Variants in NAV2 observed in about 807,000 individuals in gnomAD.
NAV2 encodes helicase, APC down-regulated 1.
In NAV2, 54 loss-of-function variants were observed where a neutral mutation model predicts 223.2. The observed-to-expected ratio is 0.24, with a 90% CI of 0.19 to 0.30. The LOEUF is 0.30. Ranked by LOEUF, NAV2 falls within the 10% of genes least tolerant of loss-of-function variation. NAV2 has a pLI of 1.00. For synonymous variants in NAV2, 1,279 were observed against 1,239.3 expected (o/e 1.03, Z -0.67); for missense variants, 2,806 against 3,147.5 (o/e 0.89, Z 2.60).
chr11:19,821,893 G>T (rs556467669), intron 1 of NAV2, among the ~76,000 whole-genome samples: 1 of 152,218 alleles, frequency 6.6e-6, no homozygotes, highest in South Asian at 2.1e-4. Context: ...TTTCTGTGTG[G>T]GCCCCTCAGT....
Position 20,095,750 on chromosome 11 carries a change from G to A in NAV2, c.5995G>A (p.Val1999Ile). The change falls in exon 30 of 38, where the codon GTT becomes ATT. Residue 1999 changes from valine (V) to isoleucine (I), a missense_variant. This residue lies in a region of NAV2 where 824 missense variants were observed against 1,069.4 expected (regional missense o/e 0.77). Transcript: ENST00000349880. The stretch of plus-strand genomic sequence containing the variant: ...GAAGTGGGATGTGCTCGATGGGGTG[G>A]TTAGACGGCTGTTCAAAGTAAGTGT... ...KTKWDVLDGVVRRLFKEYIIH... is the reference protein window; with the variant it reads ...KTKWDVLDGVIRRLFKEYIIH... The A allele has an allele frequency of 6.2e-7, 1 of 1,613,844 alleles. No individual in the cohort carries two copies. The highest frequency in any genetic ancestry group is 1.7e-5 in the Admixed American group (1 of 60,002).
At chr11:20,087,128 C>T (rs1383283318) in intron 26 of NAV2, among the ~76,000 whole-genome samples, 1 of 152,114 alleles carries the variant, frequency 6.6e-6, no homozygotes, top group African/African-American at 2.4e-5. Context: ...TGGGAGGAAA[C>T]CTGGGAGCAG....
In NAV2 at chr11:19,859,850, C is replaced by T. The variant is rs1466742609; in HGVS notation, c.439-9075C>T. 9.4e-5 allele frequency among the ~76,000 whole-genome samples: 13 copies of T among 138,530 alleles called. No individual in the cohort carries two copies. The East Asian group carries it at 1.6e-3, about 18-fold the overall frequency. 90.9% of individuals were successfully genotyped at this position (138,530 alleles called of 152,430 possible). ...ACCCCCAACTCCCTCCCGGACGGGG[C>T]GGCTGGCCGGGCGGGGGGCTGACCC... On this transcript the variant is annotated intron_variant, in intron 3 of 37. Transcript: ENST00000349880.
chr11:19,509,914 GA>G (rs1419415565), intron 1 of NAV2, among the ~76,000 whole-genome samples: 1 of 152,144 alleles, frequency 6.6e-6, no homozygotes, highest in Non-Finnish European at 1.5e-5. Flanking sequence ...CACCTTCAAG[GA>G]TGGGTCTGAG....
chr11:19,549,847 G>A (rs913267832), intron 1 of NAV2, among the ~76,000 whole-genome samples: 15 of 152,216 alleles, frequency 9.9e-5, no homozygotes, highest in African/African-American at 3.4e-4. Context: ...TGACAAGAAC[G>A]TTAGTCTGGT....
intron 10 of NAV2, among the ~76,000 whole-genome samples, chr11:19,972,084 G>C (rs569385269): frequency 6.6e-6 from 1 of 152,218 alleles, no homozygotes; most frequent in Non-Finnish European, 1.5e-5. Flanking sequence ...TGCAGAGCTG[G>C]AGGGTAAAAT....
At chr11:19,755,219 T>C (rs2054138836) in intron 1 of NAV2, among the ~76,000 whole-genome samples, 1 of 152,334 alleles carries the variant, frequency 6.6e-6, no homozygotes, top group Admixed American at 6.5e-5. Context: ...CAACAGTCCT[T>C]CTAATATCTT....
Position 20,083,073 on chromosome 11 carries a change from G to C in NAV2, c.5392G>C (p.Asp1798His). ...KSPKSASSHSDIEEMTDSSLP... is the reference protein window; with the variant it reads ...KSPKSASSHSHIEEMTDSSLP... ...CCCAAAATCTGCGTCCTCTCATTCA[G>C]ATATTGAGGAGATGACGGATTCTTC... is the stretch of plus-strand genomic sequence containing the variant. The change falls in exon 26 of 38, where the codon GAT (aspartate) becomes CAT (histidine). Residue 1798 changes from aspartate (D) to histidine (H), a missense_variant. By Grantham distance (81) the Asp-to-His change is moderately conservative. Coordinates refer to ENST00000349880, the MANE Select transcript of NAV2 (RefSeq NM_145117.5). 6.2e-7 allele frequency: 1 copy of C among 1,614,180 alleles called. No individual in the cohort carries two copies. The highest frequency in any genetic ancestry group is 8.5e-7 in the Non-Finnish European group (1 of 1,180,008).
At chr11:19,786,369 A>G (rs2057120986) in intron 1 of NAV2, among the ~76,000 whole-genome samples, 1 of 152,180 alleles carries the variant, frequency 6.6e-6, no homozygotes, top group Admixed American at 6.5e-5. Flanking sequence ...AGTCTCCATC[A>G]TTTTTGTATC....
At position 19,908,343 on chromosome 11, in the gene NAV2, G is replaced by A. The variant is rs553925229; in HGVS notation, c.931+15749G>A. 2.1e-3 allele frequency among the ~76,000 whole-genome samples: 321 copies of A among 152,046 alleles called. 1 individual carries two copies. Among genetic ancestry groups the A allele is most frequent in the Non-Finnish European group, 3.3e-3 (221 of 67,970 alleles). On this transcript the variant is annotated intron_variant, in intron 6 of 37. Transcript: ENST00000349880. ...TGGTGGGGTGGGAGGAGGGTATACTGAGCTTTTCTTGGCCCACCCGTTCAC... is the reference window on the plus strand; with the variant it reads ...TGGTGGGGTGGGAGGAGGGTATACTAAGCTTTTCTTGGCCCACCCGTTCAC...
chr11:20,022,865 A>G lies in NAV2; in HGVS notation c.2769-13094A>G, dbSNP rs2054630830. 3.0e-6 allele frequency: 4 copies of G among 1,348,756 alleles called. No individual in the cohort carries two copies. The East Asian group carries it at 8.1e-5, about 27-fold the overall frequency. 83.5% of individuals were successfully genotyped at this position (1,348,756 alleles called of 1,614,324 possible). On this transcript the variant is annotated intron_variant, in intron 11 of 37. Coordinates refer to ENST00000349880, the MANE Select transcript of NAV2 (RefSeq NM_145117.5). ...TTTTCACAGCTGACTTGATACCAGC[A>G]CTGAGGCCTGACCTCTCGATCCTTC...
At chr11:19,985,570 G>C (rs1280865445) in intron 11 of NAV2, among the ~76,000 whole-genome samples, 1 of 145,900 alleles carries the variant, frequency 6.9e-6, no homozygotes, top group Non-Finnish European at 1.5e-5. Flanking sequence ...TTTTTTTGTT[G>C]TTGTTTGTTT....
At chr11:19,638,865 C>T (rs1468156243) in intron 1 of NAV2, among the ~76,000 whole-genome samples, 1 of 152,176 alleles carries the variant, frequency 6.6e-6, no homozygotes, top group African/African-American at 2.4e-5. Context: ...TGGTGGCGCA[C>T]ACCTGTAATC....
chr11:20,035,453 A>G (rs1186204185), intron 11 of NAV2, among the ~76,000 whole-genome samples: 3 of 152,178 alleles, frequency 2.0e-5, no homozygotes, highest in Admixed American at 2.0e-4. Flanking sequence ...CTGCTAACCA[A>G]GTTGACAGGT....
intron 1 of NAV2, among the ~76,000 whole-genome samples, chr11:19,527,172 T>C (rs530191555): frequency 3.2e-4 from 49 of 152,250 alleles, no homozygotes; most frequent in African/African-American, 1.1e-3. Flanking sequence ...AACTGAATCA[T>C]GAGGGCAGTT....
chr11:19,577,632 A>G (rs992700539), intron 1 of NAV2, among the ~76,000 whole-genome samples: 18 of 152,078 alleles, frequency 1.2e-4, no homozygotes, highest in Admixed American at 3.3e-4. Context: ...TAGCCCTTTT[A>G]TCACAGTTAT....
intron 5 of NAV2, chr11:19,884,194 G>A: frequency 2.4e-6 from 2 of 830,252 alleles, no homozygotes; most frequent in Non-Finnish European, 4.0e-6. Context: ...GAAAGAAACA[G>A]CAACATCCCC....
intron 1 of NAV2, among the ~76,000 whole-genome samples, chr11:19,739,776 T>C (rs1385435118): frequency 2.6e-5 from 4 of 152,172 alleles, no homozygotes; most frequent in African/African-American, 9.7e-5. Context: ...AGACTGGTAG[T>C]GTCCTAAGGA....
At chr11:19,714,717 G>C (rs2152323494) in intron 1 of NAV2, among the ~76,000 whole-genome samples, 1 of 152,294 alleles carries the variant, frequency 6.6e-6, no homozygotes. Context: ...CGTGGGGATG[G>C]GAGATGGCTT....
Sources: gnomAD v4.1 joint callset for allele counts (sites outside exome capture counted in the v4.1 genomes callset) on GRCh38, gnomAD v4.1.1 for gene constraint, gnomAD v4.1.1 regional missense constraint, MANE v1.5 for transcripts, NCBI Gene and HGNC (gene_info 2026-07-23, HGNC 2026-07-21) for gene names.